NAV2: variants seen among roughly 807,000 people sequenced by gnomAD.
NAV2 encodes neuron navigator 2.
NAV2 carries 54 observed loss-of-function variants against 223.2 expected under a neutral mutation model. The observed-to-expected ratio is 0.24, with a 90% CI of 0.19 to 0.30. The LOEUF is 0.30. NAV2 is among the 10% of genes least tolerant of loss of function. NAV2 has a pLI of 1.00. For missense variants in NAV2, 2,806 were observed against 3,147.5 expected, an observed-to-expected ratio of 0.89 and a Z score of 2.60; for synonymous variants, 1,279 against 1,239.3, an observed-to-expected ratio of 1.03 and a Z score of -0.67.
chr11:19,679,109 G>A (rs1324615391), intron 1 of NAV2, among the ~76,000 whole-genome samples: 3 of 152,246 alleles, frequency 2.0e-5, no homozygotes, highest in Non-Finnish European at 4.4e-5. Flanking sequence ...AGAAAAGGCT[G>A]AGAGGAATTA....
chr11:20,113,157 A>C (rs1445128812), intron 36 of NAV2, among the ~76,000 whole-genome samples: 3 of 152,136 alleles, frequency 2.0e-5, no homozygotes. Context: ...GAACATACTT[A>C]GTTTCCAATT....
chr11:19,865,407 G>A (rs1470289643), intron 3 of NAV2, among the ~76,000 whole-genome samples: 2 of 152,180 alleles, frequency 1.3e-5, no homozygotes, highest in Admixed American at 1.3e-4. Context: ...AATCACAAGA[G>A]GGCCTGGATC....
chr11:19,964,364 CT>C (rs1433164191), intron 10 of NAV2, among the ~76,000 whole-genome samples: 1 of 152,184 alleles, frequency 6.6e-6, no homozygotes, highest in Non-Finnish European at 1.5e-5. Context: ...TGCCTAGCCT[CT>C]GACCAAGTAT....
At chr11:19,374,892 C>A (rs1848591877) in intron 1 of NAV2, among the ~76,000 whole-genome samples, 2 of 152,190 alleles carry the variant, frequency 1.3e-5, no homozygotes, top group African/African-American at 4.8e-5. Context: ...CCTATCAAGG[C>A]CTTGCCCCAT....
At chr11:19,398,968 A>T (rs560741965) in intron 1 of NAV2, among the ~76,000 whole-genome samples, 60 of 152,322 alleles carry the variant, frequency 3.9e-4, no homozygotes, top group Admixed American at 1.1e-3. Context: ...CCAGGGCTTT[A>T]ATAATCCTGA....
At chr11:19,442,164 C>T (rs1286747148) in intron 1 of NAV2, among the ~76,000 whole-genome samples, 1 of 152,202 alleles carries the variant, frequency 6.6e-6, no homozygotes, top group Non-Finnish European at 1.5e-5. Context: ...TGTGAGGGCC[C>T]TGGGGAGGGG....
intron 1 of NAV2, among the ~76,000 whole-genome samples, chr11:19,543,561 A>T (rs1445768489): frequency 6.6e-6 from 1 of 152,192 alleles, no homozygotes; most frequent in African/African-American, 2.4e-5. Context: ...CATAGGGATT[A>T]AAAAACGTTC....
chr11:19,479,627 C>G (rs143119905), intron 1 of NAV2, among the ~76,000 whole-genome samples: 1 of 152,102 alleles, frequency 6.6e-6, no homozygotes, highest in Non-Finnish European at 1.5e-5. Flanking sequence ...TGTTAGTTGG[C>G]CTGTTTGTAG....
At chr11:19,430,966 G>A (rs1008059348) in intron 1 of NAV2, among the ~76,000 whole-genome samples, 2 of 152,190 alleles carry the variant, frequency 1.3e-5, no homozygotes, top group East Asian at 3.9e-4. Flanking sequence ...ATTATCTTTA[G>A]CCTGAGGCTT....
At position 19,623,709 on chromosome 11, in the gene NAV2, A is replaced by G. The variant is rs1352313420; in HGVS notation, c.76-208775A>G. ...TTTTAGCTTCTTTGCGATGGGTTCG[A>G]ACATCCTCCTTTAGCTTGGAGAAAT... is the stretch of plus-strand genomic sequence containing the variant. On this transcript the variant is annotated intron_variant, in intron 1 of 37. Transcript: ENST00000360655. Among the ~76,000 whole-genome samples, 7 of 152,200 alleles carry G rather than the reference A, an allele frequency of 4.6e-5. No individual in the cohort carries two copies. The East Asian group carries it at 1.3e-3, about 29-fold the overall frequency.
rs140888149 is a variant in NAV2, at chr11:19,590,545, C to G, written c.75+239518C>G. On this transcript the variant is annotated intron_variant, in intron 1 of 37. Coordinates refer to the NAV2 transcript ENST00000360655. Reference sequence around the variant, plus strand: ...GTCCTTTTCGGTTGCTCCTTTTAATCCAATTCTTGCTTCAGAAGCTTGAGT... The same window carrying G: ...GTCCTTTTCGGTTGCTCCTTTTAATGCAATTCTTGCTTCAGAAGCTTGAGT... 9.8e-3 allele frequency among the ~76,000 whole-genome samples: 1,493 copies of G among 152,264 alleles called. 15 individuals are homozygous for G. The highest frequency in any genetic ancestry group is 0.039 in the South Asian group (190 of 4,816).
chr11:20,077,360 C>T (rs572917818), intron 22 of NAV2, among the ~76,000 whole-genome samples, 192 bp from the exon 23 acceptor site: 29 of 151,906 alleles, frequency 1.9e-4, no homozygotes, highest in Non-Finnish European at 2.1e-4. Context: ...GGAAGGAGCA[C>T]GGGTTGTTTG....
intron 1 of NAV2, among the ~76,000 whole-genome samples, chr11:19,802,688 T>G (rs187429203): frequency 7.2e-6 from 1 of 139,850 alleles, no homozygotes; most frequent in African/African-American, 2.7e-5. Context: ...CCAGCCTGGG[T>G]GACAGAGTGA....
intron 1 of NAV2, among the ~76,000 whole-genome samples, chr11:19,772,943 A>G (rs575752338): frequency 6.6e-6 from 1 of 152,352 alleles, no homozygotes; most frequent in East Asian, 1.9e-4. Context: ...AGTTTATCAG[A>G]CAGAGGCTGG....
chr11:19,572,816 T>A (rs2045463508), intron 1 of NAV2, among the ~76,000 whole-genome samples: 1 of 152,192 alleles, frequency 6.6e-6, no homozygotes, highest in Non-Finnish European at 1.5e-5. Flanking sequence ...CAGCACATGG[T>A]AGGGACTTGA....
At chr11:19,479,739 G>T (rs2042223843) in intron 1 of NAV2, among the ~76,000 whole-genome samples, 1 of 152,142 alleles carries the variant, frequency 6.6e-6, no homozygotes, top group South Asian at 2.1e-4. Flanking sequence ...GTGAGTTCTT[G>T]CTTCTGCAAA....
At chr11:20,105,266 C>T in intron 34 of NAV2, 2 of 355,188 alleles carry the variant, frequency 5.6e-6, no homozygotes, top group Non-Finnish European at 5.1e-6. Flanking sequence ...GCTGTTTGAT[C>T]CTGGAAAAGT....
chr11:19,805,881 G>A (rs879550094), intron 1 of NAV2, among the ~76,000 whole-genome samples: 5 of 152,182 alleles, frequency 3.3e-5, no homozygotes, highest in African/African-American at 7.2e-5. Context: ...AGAGTCACCA[G>A]GTCAGTTCAT....
chr11:20,034,364 T>TG (rs202039981), intron 11 of NAV2, among the ~76,000 whole-genome samples: 10,217 of 124,830 alleles, frequency 0.082, 420 homozygotes, highest in Middle Eastern at 0.13. Context: ...TTTTTTTTGT[T>TG]TTTTTTTTTT....
Sources: gnomAD v4.1 joint callset for allele counts (sites outside exome capture counted in the v4.1 genomes callset) on GRCh38, gnomAD v4.1.1 for gene constraint, MANE v1.5 for transcripts, NCBI Gene and HGNC (gene_info 2026-07-23, HGNC 2026-07-21) for gene names.